ARHGAP32: variants seen among roughly 807,000 people sequenced by gnomAD.
ARHGAP32 encodes the protein rho GTPase-activating protein 32.
Under a neutral mutation model 186.5 loss-of-function variants are expected in ARHGAP32, and 51 were observed. The observed-to-expected ratio is 0.27, with a 90% CI of 0.22 to 0.35. ARHGAP32 has a LOEUF of 0.35. Among genes scored for constraint, ARHGAP32 ranks in the 10% least tolerant of loss-of-function variants. The probability of loss-of-function intolerance (pLI) is 1.00; values close to 1 mark genes in which losing one functional copy is unlikely to be tolerated. For synonymous variants in ARHGAP32, 950 were observed against 964.3 expected (o/e 0.99, Z 0.27); for missense variants, 2,186 against 2,623.5 (o/e 0.83, Z 3.64).
At chr11:128,973,670 T>G in intron 21 of ARHGAP32, 1 of 559,122 alleles carries the variant, frequency 1.8e-6, no homozygotes, top group Non-Finnish European at 3.2e-6. Context: ...GTTACAGAGA[T>G]GGGGGGGAAA....
intron 2 of ARHGAP32, among the ~76,000 whole-genome samples, chr11:129,161,959 T>C (rs1263186944): frequency 5.9e-5 from 9 of 152,164 alleles, no homozygotes; most frequent in Non-Finnish European, 1.3e-4. Flanking sequence ...TGGAATACTA[T>C]GCAGCCATAA....
chr11:129,169,504 G>C (rs1011050194), intron 1 of ARHGAP32, among the ~76,000 whole-genome samples: 3 of 151,762 alleles, frequency 2.0e-5, no homozygotes, highest in African/African-American at 7.3e-5. Flanking sequence ...GGTGGCGGGC[G>C]CCTATAGTCC....
intron 1 of ARHGAP32, among the ~76,000 whole-genome samples, chr11:129,174,389 T>G (rs868211659): frequency 1.3e-5 from 2 of 152,142 alleles, no homozygotes; most frequent in East Asian, 1.9e-4. Context: ...TTGCCCAGGC[T>G]TGCTTAGGTA....
chr11:129,220,957 C>T (rs6590368), intron 1 of ARHGAP32, among the ~76,000 whole-genome samples: 112,380 of 152,008 alleles, frequency 0.74, 41,849 homozygotes, highest in Middle Eastern at 0.79. Context: ...ACCAACTACA[C>T]CAGATTCTCT....
chr11:129,183,087 G>C (rs1162707006), intron 1 of ARHGAP32, among the ~76,000 whole-genome samples: 1 of 152,012 alleles, frequency 6.6e-6, no homozygotes, highest in Non-Finnish European at 1.5e-5. Context: ...TTACTGAATA[G>C]TACATATCAT....
intron 6 of ARHGAP32, among the ~76,000 whole-genome samples, chr11:129,070,465 G>C (rs539243404): frequency 1.1e-4 from 16 of 151,590 alleles, no homozygotes; most frequent in African/African-American, 3.6e-4. Flanking sequence ...CACTAATAAA[G>C]ACTGATTTTG....
intron 2 of ARHGAP32, among the ~76,000 whole-genome samples, chr11:129,156,282 C>G (rs183370965): frequency 6.6e-6 from 1 of 152,320 alleles, no homozygotes; most frequent in Non-Finnish European, 1.5e-5. Flanking sequence ...GCCAGGCAGC[C>G]AAGTGGTCTA....
intron 10 of ARHGAP32, among the ~76,000 whole-genome samples, chr11:129,057,858 A>C (rs1940316688): frequency 6.6e-6 from 1 of 152,164 alleles, no homozygotes; most frequent in African/African-American, 2.4e-5. Flanking sequence ...TGTCCTTACA[A>C]GAAGAAGGGA....
At chr11:129,063,850 G>T in intron 9 of ARHGAP32, 52 bp downstream of exon 9, 1 of 1,557,646 alleles carries the variant, frequency 6.4e-7, no homozygotes, top group Non-Finnish European at 8.6e-7. Context: ...TCAAAGATGA[G>T]GCCAGAAAGT....
At chr11:129,201,296 G>C (rs1944452232) in intron 1 of ARHGAP32, among the ~76,000 whole-genome samples, 1 of 152,120 alleles carries the variant, frequency 6.6e-6, no homozygotes. Flanking sequence ...ATTCAAGTTT[G>C]AAAAGTATGT....
chr11:129,131,586 C>G (rs574771690), intron 2 of ARHGAP32, among the ~76,000 whole-genome samples: 3 of 151,954 alleles, frequency 2.0e-5, no homozygotes, highest in Non-Finnish European at 2.9e-5. Flanking sequence ...TTTTAAGCAA[C>G]CAGATCTCGT....
At chr11:129,051,454 T>C (rs1217330793) in intron 10 of ARHGAP32, among the ~76,000 whole-genome samples, 2 of 152,246 alleles carry the variant, frequency 1.3e-5, no homozygotes, top group South Asian at 2.1e-4. Context: ...TTGAGAAGTG[T>C]CTGTTTATAT....
chr11:129,054,168 T>C (rs1344232546), intron 10 of ARHGAP32, among the ~76,000 whole-genome samples: 1 of 152,150 alleles, frequency 6.6e-6, no homozygotes, highest in African/African-American at 2.4e-5. Context: ...AGGTGATCCT[T>C]GATCATCTCA....
At chr11:129,090,860 T>C (rs950322144) in intron 6 of ARHGAP32, among the ~76,000 whole-genome samples, 1 of 152,196 alleles carries the variant, frequency 6.6e-6, no homozygotes, top group Non-Finnish European at 1.5e-5. Flanking sequence ...ATTATTAAAT[T>C]TTATATCTAC....
At chr11:129,061,313 T>C (rs1940493872) in intron 10 of ARHGAP32, among the ~76,000 whole-genome samples, 1 of 152,174 alleles carries the variant, frequency 6.6e-6, no homozygotes, top group South Asian at 2.1e-4. Context: ...TAGATGTTAT[T>C]ATCAGGTCTC....
intron 3 of ARHGAP32, among the ~76,000 whole-genome samples, chr11:129,124,577 C>T (rs556836150): frequency 2.0e-5 from 3 of 152,136 alleles, no homozygotes; most frequent in Admixed American, 6.5e-5. Context: ...TGTAAAATAA[C>T]AGAAAATGAC....
chr11:129,009,635 GC>G (rs1937970353), intron 11 of ARHGAP32, among the ~76,000 whole-genome samples: 1 of 152,130 alleles, frequency 6.6e-6, no homozygotes, highest in South Asian at 2.1e-4. Context: ...ATGGCTTCTA[GC>G]CCCAAACATG....
rs895205726 is a variant in ARHGAP32, at chr11:129,103,914, G to A, written c.445-10207C>T. The stretch of plus-strand genomic sequence containing the variant: ...CAAGTTCTTCAGGCTAAAGAGAAAT[G>A]GTACTAGACAAAAACCCAGAACTGC... On this transcript the variant is annotated intron_variant, in intron 5 of 22. Coordinates refer to ENST00000682385, the MANE Select transcript of ARHGAP32 (RefSeq NM_001378024.1). Among the ~76,000 whole-genome samples the A allele has an allele frequency of 2.6e-5, 4 of 151,948 alleles. No homozygotes were observed. The East Asian group carries it at 7.7e-4, about 29-fold the overall frequency.
At chr11:129,206,742 GTAAGCCATTC>G (rs1241823038) in intron 1 of ARHGAP32, among the ~76,000 whole-genome samples, 2 of 150,340 alleles carry the variant, frequency 1.3e-5, no homozygotes, top group Admixed American at 6.6e-5. Flanking sequence ...TATATTTCCT[GTAAGCCATTC>G]TTTTTTTTTT....
Sources: allele counts gnomAD v4.1 joint callset (sites outside exome capture counted in the v4.1 genomes callset), GRCh38; gene constraint gnomAD v4.1.1; transcripts MANE v1.5; gene names NCBI Gene and HGNC (gene_info 2026-07-23, HGNC 2026-07-21).